The following CDK14 variants were observed in gnomAD, a reference collection of about 807,000 sequenced individuals.
The protein encoded by CDK14 is cyclin-dependent kinase 14.
In CDK14, 34 loss-of-function variants were observed where a neutral mutation model predicts 60.7. The ratio of observed to expected loss-of-function variants is 0.56; its 90% CI spans 0.43 to 0.75. The LOEUF (loss-of-function observed/expected upper bound fraction) is 0.75, where lower values mean the gene tolerates loss of function less well. Among genes scored for constraint, CDK14 ranks in the 30% least tolerant of loss-of-function variants. The pLI is 0.00. For synonymous variants in CDK14, 197 were observed against 203.7 expected, an observed-to-expected ratio of 0.97 and a Z score of 0.28; for missense variants, 482 against 564.1, an observed-to-expected ratio of 0.85 and a Z score of 1.47.
intron 12 of CDK14, 22 bp from the exon 13 acceptor site, chr7:91,112,520 T>TC (rs1180673654): frequency 2.9e-5 from 46 of 1,606,240 alleles, no homozygotes; most frequent in Non-Finnish European, 3.8e-5. Flanking sequence ...GTCTGACCTC[T>TC]CTTTTTTGCT....
intron 14 of CDK14, among the ~76,000 whole-genome samples, chr7:91,172,998 T>C (rs1801575933): frequency 6.6e-6 from 1 of 152,194 alleles, no homozygotes; most frequent in South Asian, 2.1e-4. Context: ...CCCATGTTGT[T>C]CTAAAATTCA....
intron 2 of CDK14, among the ~76,000 whole-genome samples, chr7:90,689,951 A>G (rs1160507719): frequency 1.3e-5 from 2 of 150,674 alleles, no homozygotes; most frequent in Admixed American, 6.7e-5. Context: ...GAAAATTTTT[A>G]TAGAATTTCA....
intron 5 of CDK14, among the ~76,000 whole-genome samples, chr7:90,845,049 C>T (rs995168768): frequency 2.0e-5 from 3 of 152,166 alleles, no homozygotes; most frequent in Non-Finnish European, 4.4e-5. Context: ...ACTTATTTTA[C>T]ACGTTCCTTT....
chr7:91,079,542 C>A, intron 12 of CDK14, 62 bp downstream of exon 12: 2 of 1,171,786 alleles, frequency 1.7e-6, no homozygotes, highest in African/African-American at 1.5e-5. Flanking sequence ...TACAACTCTT[C>A]TCATACGTTT....
chr7:90,795,590 G>T (rs1192638273), intron 5 of CDK14, among the ~76,000 whole-genome samples: 80 of 151,840 alleles, frequency 5.3e-4, no homozygotes, highest in Non-Finnish European at 7.4e-5. Context: ...ATATAAAGAG[G>T]GTATTGGCTT....
At chr7:90,610,304 A>G (rs2116338069) in intron 2 of CDK14, among the ~76,000 whole-genome samples, 1 of 152,316 alleles carries the variant, frequency 6.6e-6, no homozygotes, top group African/African-American at 2.4e-5. Context: ...GTGGCTGCCA[A>G]GAGCTGCTTG....
intron 5 of CDK14, among the ~76,000 whole-genome samples, chr7:90,801,162 G>A (rs1788616534): frequency 6.6e-6 from 1 of 152,114 alleles, no homozygotes; most frequent in Admixed American, 6.6e-5. Context: ...AGTTTCACAG[G>A]GAGATTTGTA....
intron 5 of CDK14, among the ~76,000 whole-genome samples, chr7:90,831,964 T>G (rs753663245): frequency 2.6e-4 from 39 of 152,062 alleles, no homozygotes; most frequent in Middle Eastern, 3.2e-3. Flanking sequence ...CTAGTAACTC[T>G]CTGCCCTCTA....
chr7:90,736,704 A>T (rs931431020), intron 3 of CDK14, among the ~76,000 whole-genome samples: 4 of 152,148 alleles, frequency 2.6e-5, no homozygotes, highest in Non-Finnish European at 5.9e-5. Context: ...GCTGAAAAGG[A>T]AGGAAAATGT....
chr7:90,663,837 A>C (rs898286690), intron 2 of CDK14, among the ~76,000 whole-genome samples: 1 of 152,226 alleles, frequency 6.6e-6, no homozygotes, highest in Non-Finnish European at 1.5e-5. Context: ...ATATTTTCTA[A>C]TACATTTTCT....
chr7:90,847,586 A>G (rs931100684), intron 5 of CDK14, among the ~76,000 whole-genome samples: 3 of 152,152 alleles, frequency 2.0e-5, no homozygotes, highest in African/African-American at 7.2e-5. Flanking sequence ...TTAAATGCAT[A>G]CAGTTCTCAA....
At chr7:91,058,220 T>C (rs1797650032) in intron 11 of CDK14, among the ~76,000 whole-genome samples, 1 of 151,546 alleles carries the variant, frequency 6.6e-6, no homozygotes, top group South Asian at 2.1e-4. Context: ...CTGTTGTTGG[T>C]GTATAAGAAT....
chr7:91,024,875 T>G (rs188380844), intron 10 of CDK14, among the ~76,000 whole-genome samples: 377 of 152,270 alleles, frequency 2.5e-3, no homozygotes, highest in Admixed American at 7.7e-3. Context: ...ATGTGATTAT[T>G]TACCCTCTTC....
At chr7:91,104,715 T>C (rs1316192642) in intron 12 of CDK14, among the ~76,000 whole-genome samples, 1 of 152,236 alleles carries the variant, frequency 6.6e-6, no homozygotes, top group African/African-American at 2.4e-5. Flanking sequence ...GCCTCTTGCC[T>C]CTTCACTTTG....
intron 4 of CDK14, among the ~76,000 whole-genome samples, chr7:90,759,344 T>G (rs1804222510): frequency 6.6e-6 from 1 of 152,204 alleles, no homozygotes; most frequent in Non-Finnish European, 1.5e-5. Flanking sequence ...TCCACTAAAT[T>G]TGTTGAACTT....
At chr7:91,151,996 G>A (rs1473826482) in intron 14 of CDK14, among the ~76,000 whole-genome samples, 11 of 152,228 alleles carry the variant, frequency 7.2e-5, no homozygotes, top group Admixed American at 5.9e-4. Context: ...AACCGAACTT[G>A]TGTGTTTGGG....
At chr7:91,065,779 C>G (rs1232720727) in intron 11 of CDK14, among the ~76,000 whole-genome samples, 1 of 152,186 alleles carries the variant, frequency 6.6e-6, no homozygotes, top group Non-Finnish European at 1.5e-5. Flanking sequence ...TTCACAGTCC[C>G]TAGCAAGTTG....
At chr7:90,898,679 A>G (rs1404060537) in intron 6 of CDK14, among the ~76,000 whole-genome samples, 1 of 152,108 alleles carries the variant, frequency 6.6e-6, no homozygotes, top group Non-Finnish European at 1.5e-5. Flanking sequence ...TAAAAGAATA[A>G]CAGCATGAGA....
At chr7:90,773,485 C>G (rs1218951648) in intron 4 of CDK14, among the ~76,000 whole-genome samples, 1 of 152,164 alleles carries the variant, frequency 6.6e-6, no homozygotes, top group Non-Finnish European at 1.5e-5. Context: ...ATAGTGGATA[C>G]CTGAACATCA....
Sources: gnomAD v4.1 joint callset for allele counts (sites outside exome capture counted in the v4.1 genomes callset) on GRCh38, gnomAD v4.1.1 for gene constraint, MANE v1.5 for transcripts, NCBI Gene and HGNC (gene_info 2026-07-23, HGNC 2026-07-21) for gene names.